The following TMPRSS4 variants were observed in gnomAD, a reference collection of about 807,000 sequenced individuals.
TMPRSS4 encodes the protein transmembrane serine protease 4.
Under a neutral mutation model 56.4 loss-of-function variants are expected in TMPRSS4, and 45 were observed. The ratio of observed to expected loss-of-function variants is 0.80; its 90% CI spans 0.63 to 1.02. The LOEUF is 1.02. Among genes scored for constraint, TMPRSS4 ranks in the 50% least tolerant of loss-of-function variants. The pLI, the probability that TMPRSS4 is intolerant of heterozygous loss-of-function variation, is 0.00. For missense variants in TMPRSS4, 546 were observed against 556.7 expected (o/e 0.98, Z 0.19); for synonymous variants, 205 against 211.0 (o/e 0.97, Z 0.25).
At chr11:118,078,450 T>C (rs1944865835) in intron 1 of TMPRSS4, among the ~76,000 whole-genome samples, 1 of 152,198 alleles carries the variant, frequency 6.6e-6, no homozygotes, top group African/African-American at 2.4e-5. Flanking sequence ...GACACTCTTC[T>C]GAAAATTCTG....
downstream of TMPRSS4, among the ~76,000 whole-genome samples, chr11:118,123,965 T>A (rs186700148): frequency 9.2e-5 from 14 of 152,256 alleles, no homozygotes; most frequent in Middle Eastern, 3.4e-3. Flanking sequence ...CAGTATTAGA[T>A]GATAATAAGG....
intron 1 of TMPRSS4, among the ~76,000 whole-genome samples, chr11:118,080,564 C>T (rs1240807995): frequency 6.6e-6 from 1 of 152,186 alleles, no homozygotes; most frequent in African/African-American, 2.4e-5. Flanking sequence ...GGCCTCTCTC[C>T]TCCTCTCAGT....
At chr11:118,091,115 C>T (rs1343398690) in intron 1 of TMPRSS4, among the ~76,000 whole-genome samples, 7 of 152,152 alleles carry the variant, frequency 4.6e-5, no homozygotes, top group African/African-American at 1.7e-4. Flanking sequence ...CTCTTATAGC[C>T]TCCCACAGCT....
At chr11:118,084,655 A>G (rs1372984931) in intron 1 of TMPRSS4, among the ~76,000 whole-genome samples, 1 of 152,162 alleles carries the variant, frequency 6.6e-6, no homozygotes. Flanking sequence ...TCTGCTCTCC[A>G]TGCCTGTAGG....
At chr11:118,078,772 G>A (rs927923246) in intron 1 of TMPRSS4, among the ~76,000 whole-genome samples, 11 of 152,150 alleles carry the variant, frequency 7.2e-5, no homozygotes, top group Non-Finnish European at 1.5e-4. Flanking sequence ...GCTGAGGCCA[G>A]CTCCCTGATT....
chr11:118,112,445 C>T (rs1214512902), intron 8 of TMPRSS4, among the ~76,000 whole-genome samples: 20 of 123,604 alleles, frequency 1.6e-4, no homozygotes, highest in Non-Finnish European at 2.5e-4. Context: ...TAGGCTGGAG[C>T]GCAGCAGCAT....
rs187525383 is a variant in TMPRSS4, at chr11:118,108,091, C to T, written c.542+216C>T. On this transcript the variant is annotated intron_variant, in intron 6 of 12. Transcript: ENST00000437212. ...GACTTGTTTTTAATACAATGGACAG[C>T]TGGACAAAGTGTGTTGTCCTACTCA... is the stretch of plus-strand genomic sequence containing the variant. 2.4e-4 allele frequency: 129 copies of T among 535,558 alleles called. No individual in the cohort carries two copies. The East Asian group carries it at 3.0e-3, about 12-fold the overall frequency. 33.2% of individuals were successfully genotyped at this position (535,558 alleles called of 1,614,324 possible). A position where few individuals can be genotyped will look rare whatever the true frequency, so the allele number is the denominator to read the frequency against.
Position 118,113,413 on chromosome 11 carries a change from G to T in TMPRSS4, c.888G>T (p.Leu296=), listed in dbSNP as rs549383513. The change falls in exon 9 of 13, where the codon CTG becomes CTT. Residue 296 remains leucine, a synonymous_variant. Transcript: ENST00000437212. Reference sequence around the variant, plus strand: ...ACAATGACATCGCCCTCATGAAGCTGCAGTTCCCACTCACTTTCTCAGGTG... The same window carrying T: ...ACAATGACATCGCCCTCATGAAGCTTCAGTTCCCACTCACTTTCTCAGGTG... ...PKDNDIALMK[L]QFPLTFSGTV... 1.9e-6 allele frequency: 3 copies of T among 1,614,082 alleles called. No individual in the cohort carries two copies. Among genetic ancestry groups the T allele is most frequent in the East Asian group, 2.2e-5 (1 of 44,880 alleles).
chr11:118,094,871 G>C lies in TMPRSS4; in HGVS notation c.43+16G>C. ...AACAGCCTCGGTAAGTTCAGGTCCG[G>C]CTTTCATTCGTCCACCTTAGCCTCT... On this transcript the variant is annotated intron_variant, in intron 2 of 12. Coordinates refer to ENST00000437212, the MANE Select transcript of TMPRSS4 (RefSeq NM_019894.4). 1 of 1,611,202 alleles carries C rather than the reference G, an allele frequency of 6.2e-7. No individual in the cohort carries two copies. Among genetic ancestry groups the C allele is most frequent in the East Asian group, 2.2e-5 (1 of 44,826 alleles).
At chr11:118,111,284 G>A (rs1049564905) in intron 7 of TMPRSS4, among the ~76,000 whole-genome samples, 4 of 152,164 alleles carry the variant, frequency 2.6e-5, no homozygotes, top group Non-Finnish European at 5.9e-5. Flanking sequence ...TCCCCTGGCC[G>A]GGGAAACAGA....
At chr11:118,113,515 C>T in intron 9 of TMPRSS4, 80 bp downstream of exon 9, 1 of 1,516,848 alleles carries the variant, frequency 6.6e-7, no homozygotes, top group South Asian at 1.2e-5. Context: ...ACTGACCGCC[C>T]TTGGCACATA....
At chr11:118,092,905 A>G (rs1946058604) in intron 1 of TMPRSS4, among the ~76,000 whole-genome samples, 1 of 152,240 alleles carries the variant, frequency 6.6e-6, no homozygotes, top group Non-Finnish European at 1.5e-5. Flanking sequence ...ATTTCCCACC[A>G]GACAACTCAT....
chr11:118,099,793 A>AC (rs1290233543), intron 3 of TMPRSS4, among the ~76,000 whole-genome samples: 2 of 151,474 alleles, frequency 1.3e-5, no homozygotes, highest in Non-Finnish European at 2.9e-5. Context: ...AGCAGGGAAG[A>AC]CCCCCCAGGC....
chr11:118,104,641 G>T, intron 4 of TMPRSS4, 50 bp from the exon 5 acceptor site: 1 of 1,613,158 alleles, frequency 6.2e-7, no homozygotes, highest in South Asian at 1.1e-5. Flanking sequence ...TGAGGGGGAT[G>T]GGCCAGTTGG....
At position 118,111,895 on chromosome 11, in the gene TMPRSS4, C is replaced by T. The variant is rs750376754; in HGVS notation, c.738C>T (p.Cys246=). The T allele has an allele frequency of 1.2e-6, 2 of 1,607,968 alleles. No homozygotes were observed. Among genetic ancestry groups the T allele is most frequent in the East Asian group, 2.3e-5 (1 of 44,256 alleles). The change falls in exon 8 of 13, where the codon TGC becomes TGT. Residue 246 remains cysteine (C), a synonymous_variant. Coordinates refer to ENST00000437212, the MANE Select transcript of TMPRSS4 (RefSeq NM_019894.4). ...DPHWVLTAAH[C]FRKHTDVFNW... is the part of the protein sequence containing the mutation. Reference sequence around the variant, plus strand: ...ACTGGGTCCTCACGGCAGCCCACTGCTTCAGGTAAGACCCCAGCTGTAAGG... The same window carrying T: ...ACTGGGTCCTCACGGCAGCCCACTGTTTCAGGTAAGACCCCAGCTGTAAGG...
At chr11:118,112,344 T>TA (rs1947317080) in intron 8 of TMPRSS4, among the ~76,000 whole-genome samples, 1 of 149,590 alleles carries the variant, frequency 6.7e-6, no homozygotes, top group Non-Finnish European at 1.5e-5. Context: ...AGCCTGGCCT[T>TA]ACCTCAGGGA....
downstream of TMPRSS4, chr11:118,125,413 T>A: frequency 4.4e-6 from 2 of 454,280 alleles, no homozygotes; most frequent in South Asian, 3.1e-5. Context: ...ACCACCTGTG[T>A]TTGCTTTCTC....
At chr11:118,103,064 T>G in intron 3 of TMPRSS4, 37 bp from the exon 4 acceptor site, 1 of 1,611,210 alleles carries the variant, frequency 6.2e-7, no homozygotes, top group Non-Finnish European at 8.5e-7. Flanking sequence ...AGCCTGACCC[T>G]CAGCCCTCTC....
chr11:118,097,353 G>T (rs1031626051), intron 2 of TMPRSS4, among the ~76,000 whole-genome samples: 6 of 152,172 alleles, frequency 3.9e-5, no homozygotes, highest in African/African-American at 9.7e-5. Context: ...AGGTTGGAAG[G>T]CTGCATTTTA....
Sources: allele counts gnomAD v4.1 joint callset (sites outside exome capture counted in the v4.1 genomes callset), GRCh38; gene constraint gnomAD v4.1.1; transcripts MANE v1.5; gene names NCBI Gene and HGNC (gene_info 2026-07-23, HGNC 2026-07-21).